Variants in LSG1 observed in about 807,000 individuals in gnomAD.
LSG1 encodes large 60S subunit nuclear export GTPase 1.
Under a neutral mutation model 82.6 loss-of-function variants are expected in LSG1, and 55 were observed. The ratio of observed to expected loss-of-function variants is 0.67; its 90% CI spans 0.54 to 0.83. The LOEUF (loss-of-function observed/expected upper bound fraction) is 0.83, where lower values mean the gene tolerates loss of function less well. Among genes scored for constraint, LSG1 ranks in the 40% least tolerant of loss-of-function variants. LSG1 has a pLI of 0.00. For missense variants in LSG1, 809 were observed against 807.9 expected, an observed-to-expected ratio of 1.00 and a Z score of -0.02; for synonymous variants, 272 against 282.5, an observed-to-expected ratio of 0.96 and a Z score of 0.37.
chr3:194,646,263 T>C lies in LSG1; in HGVS notation c.1544-20A>G. On this transcript the variant is annotated intron_variant, in intron 11 of 13. Transcript: ENST00000265245. ...GCATGTCTGTGGAGAGAAAAGAATT[T>C]TGCAAAATCTTAGATGACAGAATAT... The C allele has an allele frequency of 2.5e-6, 4 of 1,609,930 alleles. No individual in the cohort carries two copies. Among genetic ancestry groups the C allele is most frequent in the Non-Finnish European group, 3.4e-6 (4 of 1,176,370 alleles).
rs1482299147 is a variant in LSG1, at chr3:194,641,189, ACATAC to A, written c.*874_*878del. The stretch of plus-strand genomic sequence containing the variant: ...TAACTATGTTATTGAACTATAATTT[ACATAC>A]CATACAATTCACCAACGTAAAGTGT... On this transcript the variant is annotated 3_prime_UTR_variant, in exon 14 of 14. Transcript: ENST00000265245. 6.6e-6 allele frequency: 1 copy of A among 152,240 alleles called. No homozygotes were observed. Among genetic ancestry groups the A allele is most frequent in the African/African-American group, 2.4e-5 (1 of 41,460 alleles). 9.4% of individuals were successfully genotyped at this position (152,240 alleles called of 1,614,324 possible).
chr3:194,659,746 C>T (rs1331759368), intron 6 of LSG1, among the ~76,000 whole-genome samples: 1 of 152,098 alleles, frequency 6.6e-6, no homozygotes, highest in African/African-American at 2.4e-5. Context: ...GTGAAGTGAC[C>T]GGCAATATGC....
At chr3:194,645,567 C>CACAG (rs773395505) in intron 12 of LSG1, among the ~76,000 whole-genome samples, 1 of 52,632 alleles carries the variant, frequency 1.9e-5, no homozygotes, top group African/African-American at 7.0e-5. Context: ...CACACACACA[C>CACAG]ACAGACAGAC....
At chr3:194,670,711 C>T (rs868775581) in intron 1 of LSG1, among the ~76,000 whole-genome samples, 10 of 152,182 alleles carry the variant, frequency 6.6e-5, no homozygotes, top group Non-Finnish European at 1.3e-4. Context: ...AGCTGCAGAC[C>T]ACTAAATTGA....
intron 2 of LSG1, among the ~76,000 whole-genome samples, chr3:194,667,942 A>AAAAAAAAAAAAATAT (rs1416407494): frequency 2.3e-5 from 2 of 86,960 alleles, no homozygotes; most frequent in African/African-American, 9.7e-5. Flanking sequence ...AAAAAAAAAA[A>AAAAAAAAAAAAATAT]ATATATATAT....
rs550167061 is a variant in LSG1, at chr3:194,641,943, C to T, written c.*125G>A. Reference sequence around the variant, plus strand: ...TGACATGGAGACTGTTGGGTGCAGCCGTGCTCTGCAAGAGCAGGGCCCGTT... The same window carrying T: ...TGACATGGAGACTGTTGGGTGCAGCTGTGCTCTGCAAGAGCAGGGCCCGTT... On this transcript the variant is annotated 3_prime_UTR_variant, in exon 14 of 14. Transcript: ENST00000265245. 40 of 1,014,688 alleles carry T rather than the reference C, an allele frequency of 3.9e-5. No individual in the cohort carries two copies. The highest frequency in any genetic ancestry group is 4.6e-5 in the Admixed American group (2 of 43,672). The allele number at this position is 1,014,688 out of a possible 1,614,324, so 62.9% of individuals were successfully genotyped here. A position where few individuals can be genotyped will look rare whatever the true frequency, so the allele number is the denominator to read the frequency against.
At chr3:194,664,370 A>C (rs192767929) in intron 5 of LSG1, among the ~76,000 whole-genome samples, 7 of 152,348 alleles carry the variant, frequency 4.6e-5, no homozygotes, top group Admixed American at 4.6e-4. Context: ...AAGGAAAAAA[A>C]ACCAGCCTGA....
At position 194,661,905 on chromosome 3, in the gene LSG1, C is replaced by T. The variant is rs146504885; in HGVS notation, c.522-1772G>A. The stretch of plus-strand genomic sequence containing the variant: ...CTAGAAGTTTCAACATGTACAGGCT[C>T]ACTTGGGAAATTATTAGGGACATAA... On this transcript the variant is annotated intron_variant, in intron 5 of 13. Transcript: ENST00000265245. 3.3e-3 allele frequency among the ~76,000 whole-genome samples: 502 copies of T among 152,288 alleles called. 3 individuals carry two copies. Among genetic ancestry groups the T allele is most frequent in the Non-Finnish European group, 5.9e-3 (402 of 68,032 alleles).
rs554080752 is a variant in LSG1, at chr3:194,660,615, T to C, written c.522-482A>G. The C allele has an allele frequency of 2.6e-5, 8 of 303,854 alleles. No individual in the cohort carries two copies. In the Admixed American group the frequency reaches 2.8e-4, roughly 11 times the overall value. 18.8% of individuals were successfully genotyped at this position (303,854 alleles called of 1,614,324 possible). On this transcript the variant is annotated intron_variant, in intron 5 of 13. Transcript: ENST00000265245. ...TAAATCACTTGCTGACAGCTGCCAC[T>C]ATTGAAGCTAGTATCTTATTTAAAC...
rs2108614082 is a variant in LSG1 at position 194,644,167 on chromosome 3, C to T, written c.1797+406G>A. On this transcript the variant is annotated intron_variant, in intron 13 of 13. Coordinates refer to ENST00000265245, the MANE Select transcript of LSG1 (RefSeq NM_018385.3). ...CATGAGGTCAGGAGATCGAGACCAT[C>T]CTGGCTAACAAGGTGAAACCCCGTC... 1.3e-5 allele frequency among the ~76,000 whole-genome samples: 2 copies of T among 151,982 alleles called. 1 individual carries two copies. The highest frequency in any genetic ancestry group is 1.3e-4 in the Admixed American group (2 of 15,266).
At chr3:194,653,662 A>C (rs891750182) in intron 7 of LSG1, among the ~76,000 whole-genome samples, 12 of 152,248 alleles carry the variant, frequency 7.9e-5, no homozygotes, top group African/African-American at 2.6e-4. Flanking sequence ...GGAGAATTGG[A>C]CCTTCCCTTC....
intron 11 of LSG1, among the ~76,000 whole-genome samples, chr3:194,648,050 G>A (rs1052214430): frequency 6.7e-6 from 1 of 148,882 alleles, no homozygotes; most frequent in Non-Finnish European, 1.5e-5. Context: ...AGTCACCCAC[G>A]CACGGAAATG....
At position 194,670,142 on chromosome 3, in the gene LSG1, A is replaced by AC. The variant is rs984674782; in HGVS notation, c.100-8_100-7insG. Reference sequence around the variant, plus strand: ...TGAGTTCACTTGTGTGCAACTATGAAAAAACACAGGGTGATAAATACAGCT... The same window carrying AC: ...TGAGTTCACTTGTGTGCAACTATGAACAAAACACAGGGTGATAAATACAGCT... On this transcript the variant is annotated splice_polypyrimidine_tract_variant and splice_region_variant and intron_variant, in intron 1 of 13. Transcript: ENST00000265245. 3 of 1,612,944 alleles carry AC rather than the reference A, an allele frequency of 1.9e-6. No individual in the cohort carries two copies. The African/African-American group carries it at 4.0e-5, about 22-fold the overall frequency.
At chr3:194,669,184 G>A (rs914657001) in intron 2 of LSG1, among the ~76,000 whole-genome samples, 1 of 152,120 alleles carries the variant, frequency 6.6e-6, no homozygotes, top group African/African-American at 2.4e-5. Flanking sequence ...TGCTAAGACA[G>A]TATATATCTT....
chr3:194,642,579 TTTTAAG>T (rs1298640879), intron 13 of LSG1, among the ~76,000 whole-genome samples: 2 of 151,808 alleles, frequency 1.3e-5, no homozygotes, highest in African/African-American at 2.4e-5. Context: ...TCTAAACAAA[TTTTAAG>T]TTTACTTAGT....
At chr3:194,643,528 TA>T (rs993370398) in intron 13 of LSG1, among the ~76,000 whole-genome samples, 13 of 151,408 alleles carry the variant, frequency 8.6e-5, no homozygotes, top group East Asian at 5.8e-4. Context: ...ATGGCTAAAA[TA>T]AAAAAAAAAT....
chr3:194,660,664 A>G (rs1372308061), intron 5 of LSG1: 1 of 311,642 alleles, frequency 3.2e-6, no homozygotes, highest in African/African-American at 2.2e-5. Context: ...GGAAGAAAGC[A>G]TATTTTTGGC....
intron 5 of LSG1, among the ~76,000 whole-genome samples, chr3:194,662,935 G>A (rs1395824358): frequency 6.6e-6 from 1 of 152,260 alleles, no homozygotes; most frequent in Admixed American, 6.5e-5. Flanking sequence ...CTTGTCAACC[G>A]GCTTTGTAAT....
Position 194,653,822 on chromosome 3 carries a change from G to A in LSG1, c.760-680C>T, listed in dbSNP as rs1390824549. Among the ~76,000 whole-genome samples the A allele has an allele frequency of 1.3e-5, 2 of 152,222 alleles. 1 individual carries two copies. The highest frequency in any genetic ancestry group is 1.3e-4 in the Admixed American group (2 of 15,296). ...GGCGGAGGTGGGAGGATCGCTCAAGGCCAGGAATTCAAAACCAGTCTGGGC... is the reference window on the plus strand; with the variant it reads ...GGCGGAGGTGGGAGGATCGCTCAAGACCAGGAATTCAAAACCAGTCTGGGC... On this transcript the variant is annotated intron_variant, in intron 7 of 13. Coordinates refer to ENST00000265245, the MANE Select transcript of LSG1 (RefSeq NM_018385.3).
Sources: gnomAD v4.1 joint callset for allele counts (sites outside exome capture counted in the v4.1 genomes callset) on GRCh38, gnomAD v4.1.1 for gene constraint, MANE v1.5 for transcripts, NCBI Gene and HGNC (gene_info 2026-07-23, HGNC 2026-07-21) for gene names.